PTPRR: variants seen among roughly 807,000 people sequenced by gnomAD.
PTPRR encodes receptor-type tyrosine-protein phosphatase R.
In PTPRR, 38 loss-of-function variants were observed where a neutral mutation model predicts 77.2. The observed-to-expected ratio is 0.49, with a 90% CI of 0.38 to 0.65. The LOEUF (loss-of-function observed/expected upper bound fraction) is 0.65. Among genes scored for constraint, PTPRR ranks in the 30% least tolerant of loss-of-function variants. The pLI is 0.00. For synonymous variants in PTPRR, 299 were observed against 283.1 expected (o/e 1.06, Z -0.57); for missense variants, 744 against 799.2 (o/e 0.93, Z 0.83).
chr12:70,706,944 T>C (rs111600213), intron 6 of PTPRR, among the ~76,000 whole-genome samples: 201 of 152,216 alleles, frequency 1.3e-3, no homozygotes, highest in African/African-American at 4.3e-3. Context: ...ATAATAAACA[T>C]ATATGAATTA....
At chr12:70,669,651 A>C (rs562029315) in intron 10 of PTPRR, among the ~76,000 whole-genome samples, 2 of 151,450 alleles carry the variant, frequency 1.3e-5, no homozygotes, top group South Asian at 4.2e-4. Context: ...CGCATCCTCA[A>C]ACTCCTGGGC....
intron 5 of PTPRR, among the ~76,000 whole-genome samples, chr12:70,749,367 T>C (rs1003905394): frequency 2.6e-5 from 4 of 152,182 alleles, no homozygotes; most frequent in African/African-American, 9.6e-5. Context: ...ATAAGTAAAA[T>C]TAGGAAACTA....
Position 70,795,913 on chromosome 12 carries a change from A to ATTTTTTTTTTTTTTTTTTTTTTTTTTT in PTPRR, c.358-31162_358-31136dup, listed in dbSNP as rs71437157. Reference sequence around the variant, plus strand: ...TATATGTTCAAAATGTATTTAGTAGATTTTTTTTTTTTTTTTTTTTTTTTT... The same window carrying ATTTTTTTTTTTTTTTTTTTTTTTTTTT: ...TATATGTTCAAAATGTATTTAGTAGATTTTTTTTTTTTTTTTTTTTTTTTTTTTTTTTTTTTTTTTTTTTTTTTTTTT... On this transcript the variant is annotated intron_variant, in intron 2 of 13. Coordinates refer to ENST00000283228, the MANE Select transcript of PTPRR (RefSeq NM_002849.4). Among the ~76,000 whole-genome samples the ATTTTTTTTTTTTTTTTTTTTTTTTTTT allele has an allele frequency of 2.8e-4, 25 of 88,390 alleles. 11 individuals carry two copies. The highest frequency in any genetic ancestry group is 7.8e-4 in the South Asian group (2 of 2,564). 58.0% of individuals were successfully genotyped at this position (88,390 alleles called of 152,430 possible).
At chr12:70,644,842 G>A (rs1234263478) in intron 13 of PTPRR, among the ~76,000 whole-genome samples, 1 of 152,140 alleles carries the variant, frequency 6.6e-6, no homozygotes, top group African/African-American at 2.4e-5. Flanking sequence ...TAGAAGACAG[G>A]CACAGTGGAG....
At chr12:70,684,605 CAAGTT>C (rs1418243991) in intron 9 of PTPRR, 94 bp downstream of exon 9, 5 of 832,048 alleles carry the variant, frequency 6.0e-6, no homozygotes, top group Non-Finnish European at 9.5e-6. Flanking sequence ...TGCTGGTAAT[CAAGTT>C]AAACCAAGCT....
chr12:70,827,681 G>T (rs1216757587), intron 2 of PTPRR, among the ~76,000 whole-genome samples: 1 of 143,700 alleles, frequency 7.0e-6, no homozygotes, highest in Non-Finnish European at 1.5e-5. Context: ...GAGTAGATGG[G>T]ATTATAGGTG....
chr12:70,919,765 C>T (rs1302778745), intron 1 of PTPRR, among the ~76,000 whole-genome samples: 1 of 145,000 alleles, frequency 6.9e-6, no homozygotes, highest in East Asian at 2.1e-4. Flanking sequence ...TATTTGAAAC[C>T]TTTTCTTCCT....
chr12:70,854,491 C>T (rs1268518930), intron 2 of PTPRR, among the ~76,000 whole-genome samples: 1 of 152,230 alleles, frequency 6.6e-6, no homozygotes, highest in African/African-American at 2.4e-5. Flanking sequence ...GAGGTGTATG[C>T]TTAGTGTTGC....
At chr12:70,652,479 G>T (rs988742001) in intron 13 of PTPRR, among the ~76,000 whole-genome samples, 2 of 152,206 alleles carry the variant, frequency 1.3e-5, no homozygotes, top group African/African-American at 4.8e-5. Flanking sequence ...AAGGTTCAAG[G>T]AGAGGATCTG....
intron 6 of PTPRR, among the ~76,000 whole-genome samples, chr12:70,712,329 T>C (rs1456239604): frequency 6.6e-6 from 1 of 151,994 alleles, no homozygotes; most frequent in East Asian, 1.9e-4. Context: ...GCCTAGTACA[T>C]GGATGAATGC....
rs1029655962 is a variant in PTPRR at position 70,768,674 on chromosome 12, C to T, written c.358-3896G>A. Among the ~76,000 whole-genome samples the T allele has an allele frequency of 2.7e-3, 411 of 152,266 alleles. 1 individual carries two copies. Among genetic ancestry groups the T allele is most frequent in the African/African-American group, 8.7e-3 (360 of 41,538 alleles). ...ACTCATTTTATGAGGCCAGCATCAT[C>T]CTGATACCAAAGCCGGGCAGAGATA... On this transcript the variant is annotated intron_variant, in intron 2 of 13. Coordinates refer to ENST00000283228, the MANE Select transcript of PTPRR (RefSeq NM_002849.4).
intron 10 of PTPRR, among the ~76,000 whole-genome samples, chr12:70,683,300 C>A (rs577786421): frequency 6.6e-6 from 1 of 152,212 alleles, no homozygotes; most frequent in African/African-American, 2.4e-5. Context: ...GTAAGTTGTC[C>A]TAAAATGAAA....
At chr12:70,642,154 C>T (rs7972560) in intron 13 of PTPRR, among the ~76,000 whole-genome samples, 4,707 of 151,708 alleles carry the variant, frequency 0.031, 97 homozygotes, top group Non-Finnish European at 0.046. Flanking sequence ...TGGTGAGGTC[C>T]CCCAGTGCCT....
intron 2 of PTPRR, among the ~76,000 whole-genome samples, chr12:70,801,949 G>C (rs191975881): frequency 2.6e-4 from 40 of 152,268 alleles, no homozygotes; most frequent in Admixed American, 9.8e-4. Context: ...TCATCCTATA[G>C]ATAGGAGGGT....
At chr12:70,717,324 G>A (rs1035301636) in intron 6 of PTPRR, among the ~76,000 whole-genome samples, 5 of 152,122 alleles carry the variant, frequency 3.3e-5, no homozygotes, top group Non-Finnish European at 7.4e-5. Context: ...AAGAGAGAGT[G>A]TTAGGTGAGA....
intron 2 of PTPRR, among the ~76,000 whole-genome samples, chr12:70,825,837 C>A (rs535590286): frequency 3.7e-4 from 56 of 152,302 alleles, no homozygotes; most frequent in South Asian, 1.2e-3. Flanking sequence ...GGGGAAGAAG[C>A]AATGGATATA....
In PTPRR at chr12:70,727,166, G is replaced by A. The variant is rs543122283; in HGVS notation, c.1007+18652C>T. Among the ~76,000 whole-genome samples, 8 of 152,150 alleles carry A rather than the reference G, an allele frequency of 5.3e-5. No individual in the cohort carries two copies. The South Asian group carries it at 1.0e-3, about 20-fold the overall frequency. On this transcript the variant is annotated intron_variant, in intron 6 of 13. Coordinates refer to ENST00000283228, the MANE Select transcript of PTPRR (RefSeq NM_002849.4). ...TTGTCTCACAAATTTTAAGGGTTTT[G>A]TGCTGTCATGGAAGGATCCTAATTG...
chr12:70,688,627 A>G (rs766380766), intron 8 of PTPRR, among the ~76,000 whole-genome samples: 1 of 152,196 alleles, frequency 6.6e-6, no homozygotes, highest in Non-Finnish European at 1.5e-5. Context: ...GGAAAACAGT[A>G]TGGAGATTCC....
chr12:70,657,646 G>A (rs1304342360), intron 12 of PTPRR, among the ~76,000 whole-genome samples: 1 of 152,076 alleles, frequency 6.6e-6, no homozygotes, highest in African/African-American at 2.4e-5. Flanking sequence ...TTTTGGACTT[G>A]CTTCAGTTCA....
Sources: gnomAD v4.1 joint callset for allele counts (sites outside exome capture counted in the v4.1 genomes callset) on GRCh38, gnomAD v4.1.1 for gene constraint, MANE v1.5 for transcripts, NCBI Gene and HGNC (gene_info 2026-07-23, HGNC 2026-07-21) for gene names.